The following CADM2 variants were observed in gnomAD, a reference collection of about 807,000 sequenced individuals.
CADM2 encodes the protein cell adhesion molecule 2.
Under a neutral mutation model 49.8 loss-of-function variants are expected in CADM2, and 12 were observed. That is an observed-to-expected ratio of 0.24 (90% confidence interval 0.15 to 0.39). The LOEUF (loss-of-function observed/expected upper bound fraction) is 0.39. Ranked by LOEUF, CADM2 falls within the 10% of genes least tolerant of loss-of-function variation. The probability of loss-of-function intolerance (pLI) is 1.00; values close to 1 mark genes in which losing one functional copy is unlikely to be tolerated. For synonymous variants in CADM2, 214 were observed against 175.4 expected (o/e 1.22, Z -1.74); for missense variants, 378 against 492.3 (o/e 0.77, Z 2.20).
intron 1 of CADM2, among the ~76,000 whole-genome samples, chr3:85,706,834 A>C (rs959243778): frequency 2.0e-5 from 3 of 152,218 alleles, no homozygotes; most frequent in Non-Finnish European, 4.4e-5. Flanking sequence ...TTGTTAAATA[A>C]GAATAAAGAA....
chr3:85,691,293 G>T (rs1049352620), intron 1 of CADM2, among the ~76,000 whole-genome samples: 12 of 152,162 alleles, frequency 7.9e-5, no homozygotes, highest in African/African-American at 2.7e-4. Context: ...ATGTGTATGT[G>T]TGTGTCTCTC....
At position 85,437,575 on chromosome 3, in the gene CADM2, T is replaced by C. The variant is rs542944315; in HGVS notation, c.62-288947T>C. ...GGTATGTAATGGCATCTCACTGTTG[T>C]TTTAATTTAAATTTCCCTGATGGCA... On this transcript the variant is annotated intron_variant, in intron 1 of 9. Coordinates refer to ENST00000383699, the MANE Select transcript of CADM2 (RefSeq NM_001167675.2). 2.0e-5 allele frequency among the ~76,000 whole-genome samples: 3 copies of C among 152,250 alleles called. No individual in the cohort carries two copies. In the East Asian group the frequency reaches 5.8e-4, roughly 29 times the overall value.
intron 7 of CADM2, among the ~76,000 whole-genome samples, chr3:85,959,407 C>A (rs1437204841): frequency 1.3e-5 from 2 of 151,882 alleles, no homozygotes; most frequent in African/African-American, 4.8e-5. Context: ...AACCTTCAGT[C>A]ACCTCAGCTC....
intron 1 of CADM2, among the ~76,000 whole-genome samples, chr3:85,069,138 T>C (rs965711511): frequency 1.3e-5 from 2 of 152,046 alleles, no homozygotes; most frequent in African/African-American, 4.8e-5. Flanking sequence ...TCTAAATTAC[T>C]GTGGGCAAAA....
chr3:85,736,854 T>C (rs2068160939), intron 2 of CADM2, among the ~76,000 whole-genome samples: 1 of 152,080 alleles, frequency 6.6e-6, no homozygotes, highest in Admixed American at 6.6e-5. Flanking sequence ...GCCTGGAAAC[T>C]TACAGTAGTC....
intron 8 of CADM2, among the ~76,000 whole-genome samples, chr3:86,051,211 C>G (rs994954277): frequency 6.7e-6 from 1 of 149,162 alleles, no homozygotes; most frequent in African/African-American, 2.5e-5. Flanking sequence ...CTCTCAAGTT[C>G]AAAGTTCCAT....
chr3:85,350,301 A>G (rs528730958), intron 1 of CADM2, among the ~76,000 whole-genome samples: 2 of 152,314 alleles, frequency 1.3e-5, no homozygotes, highest in Admixed American at 1.3e-4. Flanking sequence ...TTTCTATAAT[A>G]CTATGACAAA....
intron 1 of CADM2, among the ~76,000 whole-genome samples, chr3:84,978,368 T>C (rs2031962806): frequency 6.6e-6 from 1 of 152,160 alleles, no homozygotes; most frequent in African/African-American, 2.4e-5. Context: ...ATTTTTAAAG[T>C]AATATTCTTT....
At chr3:85,405,506 C>A (rs1559823209) in intron 1 of CADM2, among the ~76,000 whole-genome samples, 2 of 152,152 alleles carry the variant, frequency 1.3e-5, no homozygotes, top group African/African-American at 4.8e-5. Context: ...CTCTGTGATA[C>A]TGCTCCTCTG....
Position 85,176,148 on chromosome 3 carries a change from T to C in CADM2, c.61+216480T>C, listed in dbSNP as rs111232953. ...TGTGGTCCAGGCCAATGTGCAATCTTGATAGGTCTATTTAATGGGTTTTGA... is the reference window on the plus strand; with the variant it reads ...TGTGGTCCAGGCCAATGTGCAATCTCGATAGGTCTATTTAATGGGTTTTGA... On this transcript the variant is annotated intron_variant, in intron 1 of 9. Transcript: ENST00000383699. 6.9e-3 allele frequency among the ~76,000 whole-genome samples: 1,046 copies of C among 152,172 alleles called. 10 individuals are homozygous for C. Among genetic ancestry groups the C allele is most frequent in the African/African-American group, 0.023 (957 of 41,526 alleles).
intron 1 of CADM2, among the ~76,000 whole-genome samples, chr3:85,582,655 A>G (rs1022251712): frequency 3.2e-4 from 48 of 152,128 alleles, no homozygotes; most frequent in African/African-American, 1.1e-3. Context: ...CCCCATCTTC[A>G]TAATCTCAGC....
chr3:85,302,513 T>G (rs960790644), intron 1 of CADM2, among the ~76,000 whole-genome samples: 3 of 152,088 alleles, frequency 2.0e-5, no homozygotes, highest in Non-Finnish European at 4.4e-5. Flanking sequence ...TCTTGAATAC[T>G]TTTAATCGTT....
At chr3:85,244,910 A>G (rs899433586) in intron 1 of CADM2, among the ~76,000 whole-genome samples, 1 of 152,136 alleles carries the variant, frequency 6.6e-6, no homozygotes, top group Non-Finnish European at 1.5e-5. Flanking sequence ...AAATTGTTTG[A>G]TTTTTTTCCA....
chr3:85,312,296 T>A (rs964491905), intron 1 of CADM2, among the ~76,000 whole-genome samples: 1 of 152,176 alleles, frequency 6.6e-6, no homozygotes, highest in African/African-American at 2.4e-5. Context: ...ATTAATGACA[T>A]AATATGATTT....
chr3:85,889,010 A>G lies in CADM2; in HGVS notation c.529+2683A>G, dbSNP rs547896833. 7.9e-5 allele frequency among the ~76,000 whole-genome samples: 12 copies of G among 152,260 alleles called. No homozygotes were observed. In the South Asian group the frequency reaches 2.3e-3, roughly 29 times the overall value. ...AGAAAAGACAGGCTAATCAAATTCA[A>G]TTAAATTCAATTCAATAAGAAATTG... On this transcript the variant is annotated intron_variant, in intron 5 of 9. Coordinates refer to ENST00000383699, the MANE Select transcript of CADM2 (RefSeq NM_001167675.2).
chr3:85,784,034 T>A lies in CADM2; in HGVS notation c.89-18013T>A, dbSNP rs533765754. On this transcript the variant is annotated intron_variant, in intron 2 of 9. Coordinates refer to ENST00000383699, the MANE Select transcript of CADM2 (RefSeq NM_001167675.2). ...CTAAATATAACTATTGATCTCTCTCTCACACACACACACATGCGTGCATGC... is the reference window on the plus strand; with the variant it reads ...CTAAATATAACTATTGATCTCTCTCACACACACACACACATGCGTGCATGC... Among the ~76,000 whole-genome samples the A allele has an allele frequency of 6.7e-4, 101 of 151,828 alleles. 1 individual carries two copies. Among genetic ancestry groups the A allele is most frequent in the African/African-American group, 2.4e-3 (101 of 41,478 alleles).
intron 1 of CADM2, among the ~76,000 whole-genome samples, chr3:85,481,810 T>G (rs2039224467): frequency 6.7e-6 from 1 of 150,278 alleles, no homozygotes; most frequent in Admixed American, 6.6e-5. Flanking sequence ...AACTTCATTC[T>G]TGGTTTTTTT....
chr3:85,350,568 T>G (rs560374506), intron 1 of CADM2, among the ~76,000 whole-genome samples: 2 of 152,314 alleles, frequency 1.3e-5, no homozygotes, highest in East Asian at 3.9e-4. Flanking sequence ...ATAACTTGTC[T>G]TTTATTTATT....
At chr3:85,654,250 G>C (rs550454724) in intron 1 of CADM2, among the ~76,000 whole-genome samples, 1 of 152,320 alleles carries the variant, frequency 6.6e-6, no homozygotes, top group African/African-American at 2.4e-5. Context: ...ATGGTTGTAA[G>C]CTGAATGGGT....
Sources: allele counts gnomAD v4.1 joint callset (sites outside exome capture counted in the v4.1 genomes callset), GRCh38; gene constraint gnomAD v4.1.1; transcripts MANE v1.5; gene names NCBI Gene and HGNC (gene_info 2026-07-23, HGNC 2026-07-21).